DNAH2: variants seen among roughly 807,000 people sequenced by gnomAD.
DNAH2 encodes the protein dynein axonemal heavy chain 2, also known as axonemal beta dynein heavy chain 2.
In DNAH2, 323 loss-of-function variants were observed where a neutral mutation model predicts 523.5. The ratio of observed to expected loss-of-function variants is 0.62; its 90% CI spans 0.56 to 0.68. The LOEUF (loss-of-function observed/expected upper bound fraction) is 0.68. Ranked by LOEUF, DNAH2 falls within the 30% of genes least tolerant of loss-of-function variation. The pLI is 0.00. For synonymous variants in DNAH2, 2,093 were observed against 2,177.4 expected, an observed-to-expected ratio of 0.96 and a Z score of 1.08; for missense variants, 4,907 against 5,701.5, an observed-to-expected ratio of 0.86 and a Z score of 4.49.
rs757617990 is a variant in DNAH2, at chr17:7,817,960, C to T, written c.10251C>T (p.Ile3417=). Residue 3417 remains isoleucine (I), a synonymous_variant, in exon 68 of 86, where the codon ATC becomes ATT. Transcript: ENST00000572933. The part of the protein sequence containing the change: ...NMEGGQGLKI[I]DLQMSDYLRI... ...TTGCTCTCTAGGGCCTGAAGATCAT[C>T]GACCTGCAGATGAGCGATTACCTGC... 2.4e-5 allele frequency: 39 copies of T among 1,613,968 alleles called. No individual in the cohort carries two copies. The highest frequency in any genetic ancestry group is 6.6e-5 in the South Asian group (6 of 91,076).
At chr17:7,827,340 C>G (rs1335505391) in intron 77 of DNAH2, among the ~76,000 whole-genome samples, 1 of 152,048 alleles carries the variant, frequency 6.6e-6, no homozygotes, top group African/African-American at 2.4e-5. Flanking sequence ...CTCTCCTATA[C>G]TTGCCTTCCA....
At chr17:7,814,803 T>G (rs2077614309) in intron 63 of DNAH2, among the ~76,000 whole-genome samples, 1 of 152,190 alleles carries the variant, frequency 6.6e-6, no homozygotes, top group African/African-American at 2.4e-5. Flanking sequence ...TGAGGTGAGA[T>G]GTGCCATTGC....
In DNAH2 at chr17:7,739,750, T is replaced by A. The variant is rs919518747; in HGVS notation, c.1188T>A (p.Tyr396Ter). Residue 396 changes from tyrosine (Y) to a stop codon, truncating the protein, a stop_gained, in exon 9 of 86, where the codon TAT (tyrosine) becomes TAA (stop). Transcript: ENST00000572933. LOFTEE classifies it high-confidence loss of function. ...TTTTTTAGGTATGTGACTGTCAGTA[T>A]CACTTCGCCCGCTGGGAAGATGGCA... Reference protein sequence around the residue: ...SLFRKVCDCQYHFARWEDGKQ... With the variant: ...SLFRKVCDCQ 3.1e-6 allele frequency: 5 copies of A among 1,613,268 alleles called. No homozygotes were observed. Among genetic ancestry groups the A allele is most frequent in the Non-Finnish European group, 4.2e-6 (5 of 1,179,996 alleles).
At chr17:7,748,205 C>A (rs1010623053) in intron 12 of DNAH2, among the ~76,000 whole-genome samples, 4 of 152,226 alleles carry the variant, frequency 2.6e-5, no homozygotes, top group African/African-American at 9.6e-5. Flanking sequence ...TTAACACAAA[C>A]ATATTCCAGA....
chr17:7,821,876 C>G lies in DNAH2; in HGVS notation c.11142+507C>G, dbSNP rs2077865211. Among the ~76,000 whole-genome samples, 1 of 152,160 alleles carries G rather than the reference C, an allele frequency of 6.6e-6. No individual in the cohort carries two copies. Among genetic ancestry groups the G allele is most frequent in the Non-Finnish European group, 1.5e-5 (1 of 68,034 alleles). On this transcript the variant is annotated intron_variant, in intron 73 of 85. Coordinates refer to ENST00000572933, the MANE Select transcript of DNAH2 (RefSeq NM_020877.5). The surrounding 1 kb of genome is among the most constrained non-coding windows in gnomAD (Gnocchi z 5.0). Reference sequence around the variant, plus strand: ...CATGATCGTGAACCTCAAGGAGGCCCCTAAGGCTTCCAGACAACCATGCTG... The same window carrying G: ...CATGATCGTGAACCTCAAGGAGGCCGCTAAGGCTTCCAGACAACCATGCTG...
rs1215314119 is a variant in DNAH2 at position 7,770,351 on chromosome 17, T to A, written c.4041T>A (p.His1347Gln). Residue 1347 changes from histidine (H) to glutamine (Q), a missense_variant, in exon 25 of 86, where the codon CAT (histidine) becomes CAA (glutamine). Physicochemically the swap from His to Gln is conservative, Grantham distance 24. Around this residue, in one of 3 missense-constraint regions of DNAH2, gnomAD observed 2,806 missense variants for 3,190.8 expected, o/e 0.88. Coordinates refer to ENST00000572933, the MANE Select transcript of DNAH2 (RefSeq NM_020877.5). Reference sequence around the variant, plus strand: ...TTGTGGAGCTTGGGATGGATCAGCATGTGGAGAAAATTGGGGAGATCTCTG... The same window carrying A: ...TTGTGGAGCTTGGGATGGATCAGCAAGTGGAGAAAATTGGGGAGATCTCTG... ...EQIVELGMDQ[H>Q]VEKIGEISAS... 1.9e-6 allele frequency: 3 copies of A among 1,613,962 alleles called. No individual in the cohort carries two copies. Among genetic ancestry groups the A allele is most frequent in the African/African-American group, 2.7e-5 (2 of 74,904 alleles).
chr17:7,733,472 C>CTTTTTTTTTT (rs1567611229), intron 5 of DNAH2, among the ~76,000 whole-genome samples, 157 bp downstream of exon 5: 2 of 125,982 alleles, frequency 1.6e-5, no homozygotes, highest in Non-Finnish European at 3.6e-5. Context: ...CCGCCTTCTT[C>CTTTTTTTTTT]TTCTTTTTTT....
In DNAH2 at chr17:7,828,494, C is replaced by T. The variant is rs999587107; in HGVS notation, c.11854-1806C>T. Among the ~76,000 whole-genome samples, 3 of 152,046 alleles carry T rather than the reference C, an allele frequency of 2.0e-5. No homozygotes were observed. The highest frequency in any genetic ancestry group is 2.0e-4 in the Admixed American group (3 of 15,274). ...ACAGAGAGGGTCTTGCTCTATAGCC[C>T]AGGTGGAGTGCAGTGGTACAATCAT... On this transcript the variant is annotated intron_variant, in intron 77 of 85. Coordinates refer to ENST00000572933, the MANE Select transcript of DNAH2 (RefSeq NM_020877.5). The surrounding 1 kb of genome is among the most constrained non-coding windows in gnomAD (Gnocchi z 4.1).
Position 7,776,140 on chromosome 17 carries a change from G to A in DNAH2, c.4938G>A (p.Trp1646Ter). The change falls in exon 31 of 86, where the codon TGG becomes TGA. Residue 1646 changes from tryptophan (W) to a stop codon, truncating the protein, a stop_gained. Coordinates refer to ENST00000572933, the MANE Select transcript of DNAH2 (RefSeq NM_020877.5). LOFTEE classifies it high-confidence loss of function. ...LNKRDKWVKE[W>*]AGQVVITASQ... ...AGAGGGACAAATGGGTGAAGGAGTGGGCTGGCCAGGTGAGCTGGGGTCAAC... is the reference window on the plus strand; with the variant it reads ...AGAGGGACAAATGGGTGAAGGAGTGAGCTGGCCAGGTGAGCTGGGGTCAAC... 6.2e-7 allele frequency: 1 copy of A among 1,613,622 alleles called. No individual in the cohort carries two copies. Among genetic ancestry groups the A allele is most frequent in the Non-Finnish European group, 8.5e-7 (1 of 1,179,754 alleles).
intron 12 of DNAH2, among the ~76,000 whole-genome samples, chr17:7,756,871 G>A (rs2075855465): frequency 2.0e-5 from 3 of 151,716 alleles, no homozygotes; most frequent in South Asian, 4.2e-4. Flanking sequence ...GGATTCCCCC[G>A]TGTTGGCCAG....
chr17:7,764,378 G>A, intron 20 of DNAH2, 105 bp downstream of exon 20: 2 of 1,409,312 alleles, frequency 1.4e-6, no homozygotes, highest in East Asian at 4.6e-5. Context: ...ACAGCAGGAG[G>A]AGACTCTAGA....
intron 63 of DNAH2, among the ~76,000 whole-genome samples, chr17:7,815,276 C>T (rs983246700): frequency 6.6e-6 from 1 of 152,252 alleles, no homozygotes; most frequent in Non-Finnish European, 1.5e-5. Context: ...ATGAAACTTA[C>T]CAGAATTACT....
In DNAH2 at chr17:7,737,267, A is replaced by G; in HGVS notation, c.1170+9A>G. 4.3e-6 allele frequency: 7 copies of G among 1,612,018 alleles called. No homozygotes were observed. The highest frequency in any genetic ancestry group is 5.9e-6 in the Non-Finnish European group (7 of 1,178,430). ...CCTCGCTCTTCCGAAAGGTGTGCAT[A>G]TGCTGAGGGTGGGATGGAGGGGTTT... On this transcript the variant is annotated intron_variant, in intron 8 of 85. Coordinates refer to ENST00000572933, the MANE Select transcript of DNAH2 (RefSeq NM_020877.5).
intron 3 of DNAH2, among the ~76,000 whole-genome samples, chr17:7,725,333 G>A (rs953232052): frequency 4.8e-5 from 7 of 146,950 alleles, no homozygotes; most frequent in African/African-American, 7.5e-5. Flanking sequence ...CTGGTGATCC[G>A]CCTACCTCGG....
At chr17:7,723,767 T>G (rs1029084199) in intron 3 of DNAH2, 78 bp downstream of exon 3, 4 of 1,252,714 alleles carry the variant, frequency 3.2e-6, no homozygotes, top group Middle Eastern at 2.1e-4. Context: ...GGATGGCACA[T>G]GAGGAATTCT....
At position 7,765,574 on chromosome 17, in the gene DNAH2, T is replaced by G; in HGVS notation, c.3511+9T>G. ...AGATTTCGAATTCAAAGGTACTCCT[T>G]GATCCACCTCTCCCGCTTCTTTAGC... is the stretch of plus-strand genomic sequence containing the variant. On this transcript the variant is annotated intron_variant, in intron 21 of 85. Transcript: ENST00000572933. The G allele has an allele frequency of 6.2e-7, 1 of 1,609,322 alleles. No homozygotes were observed. Among genetic ancestry groups the G allele is most frequent in the Non-Finnish European group, 8.5e-7 (1 of 1,177,340 alleles).
intron 15 of DNAH2, 144 bp from the exon 16 acceptor site, chr17:7,759,278 T>C: frequency 7.0e-7 from 1 of 1,420,736 alleles, no homozygotes; most frequent in Non-Finnish European, 9.4e-7. Flanking sequence ...CAACCTTCAG[T>C]CCTCACACCT....
chr17:7,740,442 C>G lies in DNAH2; in HGVS notation c.1399C>G (p.Leu467Val). The G allele has an allele frequency of 6.2e-7, 1 of 1,614,194 alleles. No homozygotes were observed. Among genetic ancestry groups the G allele is most frequent in the Non-Finnish European group, 8.5e-7 (1 of 1,180,024 alleles). ...YNKFRAGIKD[L>V]EVMTQNLITS... ...CAGGTTCCGTGCCGGAATCAAGGAC[C>G]TGGAGGTGATGACCCAGAACCTGAT... The change falls in exon 10 of 86, where the codon CTG (leucine) becomes GTG (valine). Residue 467 changes from leucine to valine, a missense_variant. Leu to Val is a conservative substitution (Grantham distance 32, BLOSUM62 1). Around this residue, in one of 3 missense-constraint regions of DNAH2, gnomAD observed 2,806 missense variants for 3,190.8 expected, o/e 0.88. Coordinates refer to ENST00000572933, the MANE Select transcript of DNAH2 (RefSeq NM_020877.5).
rs768599407 is a variant in DNAH2, at chr17:7,766,533, A to G, written c.3675+52A>G. The G allele has an allele frequency of 7.6e-6, 12 of 1,573,110 alleles. No homozygotes were observed. In the South Asian group the frequency reaches 1.3e-4, roughly 17 times the overall value. On this transcript the variant is annotated intron_variant, in intron 22 of 85. Transcript: ENST00000572933. The stretch of plus-strand genomic sequence containing the variant: ...GTCACTGTCGATAAGGGGCAGGGAC[A>G]GGAGAATGGGTCCTTAGCGCCCACA...
Sources: gnomAD v4.1 joint callset for allele counts (sites outside exome capture counted in the v4.1 genomes callset) on GRCh38, gnomAD v4.1.1 for gene constraint, gnomAD v4.1.1 regional missense constraint, Gnocchi (gnomAD v3.1) non-coding constraint, MANE v1.5 for transcripts, NCBI Gene and HGNC (gene_info 2026-07-23, HGNC 2026-07-21) for gene names.